The following PACRG variants were observed in gnomAD, a reference collection of about 807,000 sequenced individuals.
The protein encoded by PACRG is parkin coregulated gene protein.
A neutral mutation model predicts 29.7 loss-of-function variants in PACRG; 29 were observed. The ratio of observed to expected loss-of-function variants is 0.98; its 90% CI spans 0.73 to 1.33. The LOEUF (loss-of-function observed/expected upper bound fraction) is 1.33, where lower values mean the gene tolerates loss of function less well. Ranked by LOEUF, PACRG falls within the 40% of genes most tolerant of loss-of-function variation. PACRG has a pLI of 0.00. For synonymous variants in PACRG, 116 were observed against 118.7 expected, an observed-to-expected ratio of 0.98 and a Z score of 0.15; for missense variants, 279 against 316.2, an observed-to-expected ratio of 0.88 and a Z score of 0.89.
In PACRG at chr6:162,852,005, G is replaced by GAGGAAGGAAGGAAAGGAAGGAAGGA. The variant is rs1031155296; in HGVS notation, c.291+37737_291+37738insAGGAAGGAAGGAAGGAAGGAAGGAA. 1.5e-3 allele frequency among the ~76,000 whole-genome samples: 173 copies of GAGGAAGGAAGGAAAGGAAGGAAGGA among 116,098 alleles called. 3 individuals carry two copies. The South Asian group carries it at 0.019, about 13-fold the overall frequency. 76.2% of individuals were successfully genotyped at this position (116,098 alleles called of 152,430 possible). On this transcript the variant is annotated intron_variant, in intron 2 of 4. Coordinates refer to ENST00000366888, the MANE Select transcript of PACRG (RefSeq NM_001080379.2). Reference sequence around the variant, plus strand: ...AAGAAAAGGGAGGGAGGGAGGGAGGGAGGAAGGAAGGAAGGAAGGAAGGAA... The same window carrying GAGGAAGGAAGGAAAGGAAGGAAGGA: ...AAGAAAAGGGAGGGAGGGAGGGAGGGAGGAAGGAAGGAAAGGAAGGAAGGAAGGAAGGAAGGAAGGAAGGAAGGAA...
intron 4 of PACRG, among the ~76,000 whole-genome samples, chr6:163,290,513 C>A (rs1784564137): frequency 6.6e-6 from 1 of 152,198 alleles, no homozygotes; most frequent in African/African-American, 2.4e-5. Flanking sequence ...GCTGAGCGCC[C>A]CGCAGCCTGC....
chr6:163,004,731 T>TACACACACACACACACACACAC (rs1391766486), intron 2 of PACRG, among the ~76,000 whole-genome samples: 1 of 143,706 alleles, frequency 7.0e-6, no homozygotes, highest in African/African-American at 2.8e-5. Context: ...TGTGTGTATA[T>TACACACACACACACACACACAC]ATATATACAC....
intron 1 of PACRG, among the ~76,000 whole-genome samples, chr6:162,792,962 G>T (rs1305120658): frequency 3.3e-5 from 5 of 152,142 alleles, no homozygotes; most frequent in Non-Finnish European, 7.3e-5. Context: ...GAGTGCTGAG[G>T]TATTGGTTGG....
At chr6:162,886,222 C>A (rs1031018267) in intron 2 of PACRG, among the ~76,000 whole-genome samples, 1 of 152,156 alleles carries the variant, frequency 6.6e-6, no homozygotes, top group Admixed American at 6.5e-5. Context: ...TGCCCCCGGG[C>A]TTGCAAGCTC....
chr6:163,295,534 T>G (rs1464872974), intron 4 of PACRG, among the ~76,000 whole-genome samples: 1 of 152,234 alleles, frequency 6.6e-6, no homozygotes. Flanking sequence ...ATGAACTCCT[T>G]GAATTGATCT....
chr6:162,955,894 C>T (rs1175288633), intron 2 of PACRG, among the ~76,000 whole-genome samples: 2 of 152,182 alleles, frequency 1.3e-5, no homozygotes, highest in South Asian at 2.1e-4. Context: ...GGGCTGGCAA[C>T]AGCCTTGTAC....
At chr6:162,955,102 T>A (rs1799918506) in intron 2 of PACRG, among the ~76,000 whole-genome samples, 2 of 152,112 alleles carry the variant, frequency 1.3e-5, no homozygotes, top group Non-Finnish European at 2.9e-5. Context: ...ACATTGTCTG[T>A]AGTTGCTCAC....
chr6:163,082,184 A>T lies in PACRG; in HGVS notation c.464-7075A>T, dbSNP rs112630959. Among the ~76,000 whole-genome samples, 1,184 of 152,306 alleles carry T rather than the reference A, an allele frequency of 7.8e-3. 15 individuals carry two copies. The highest frequency in any genetic ancestry group is 0.022 in the South Asian group (107 of 4,826). On this transcript the variant is annotated intron_variant, in intron 3 of 4. Transcript: ENST00000366888. ...AACAAAATATAGAATTTCTGTGAGT[A>T]TATCTAACAAAATTTGCAGGATCTA...
chr6:162,747,351 T>TACACACAC (rs1781091770), intron 1 of PACRG, among the ~76,000 whole-genome samples: 2 of 76,736 alleles, frequency 2.6e-5, no homozygotes, highest in South Asian at 6.1e-4. Context: ...TATATATATA[T>TACACACAC]ATATATATAT....
In PACRG at chr6:163,200,217, A is replaced by C. The variant is rs147188739; in HGVS notation, c.613+110809A>C. Reference sequence around the variant, plus strand: ...CAAATATTTTTTATTAAAAATACAGAAAAAAAGGCAACTTTTTTTTCTAAT... The same window carrying C: ...CAAATATTTTTTATTAAAAATACAGCAAAAAAGGCAACTTTTTTTTCTAAT... On this transcript the variant is annotated intron_variant, in intron 4 of 4. Transcript: ENST00000366888. 5.7e-3 allele frequency among the ~76,000 whole-genome samples: 872 copies of C among 152,210 alleles called. 8 individuals carry two copies. Among genetic ancestry groups the C allele is most frequent in the African/African-American group, 0.02 (825 of 41,514 alleles).
rs986281111 is a variant in PACRG, at chr6:162,934,270, A to AAAT, written c.291+119992_291+119994dup. On this transcript the variant is annotated intron_variant, in intron 2 of 4. Transcript: ENST00000366888. ...ACAGCGAGACTGTCTCAAAAAAAAAAAATAAATAAATGAAAAAAAGAGAAT... is the reference window on the plus strand; with the variant it reads ...ACAGCGAGACTGTCTCAAAAAAAAAAAATAATAAATAAATGAAAAAAAGAGAAT... 4.0e-5 allele frequency among the ~76,000 whole-genome samples: 6 copies of AAAT among 149,304 alleles called. No homozygotes were observed. In the East Asian group the frequency reaches 1.1e-3, roughly 27 times the overall value.
In PACRG at chr6:163,119,275, C is replaced by A. The variant is rs548864397; in HGVS notation, c.613+29867C>A. 3.3e-5 allele frequency among the ~76,000 whole-genome samples: 5 copies of A among 152,350 alleles called. No individual in the cohort carries two copies. The East Asian group carries it at 9.6e-4, about 29-fold the overall frequency. On this transcript the variant is annotated intron_variant, in intron 4 of 4. Transcript: ENST00000366888. ...GCCATGAGATATGCGAGCACGCTGC[C>A]TAACTCATCTGTACCACCATGTTCT...
intron 2 of PACRG, among the ~76,000 whole-genome samples, chr6:162,976,451 G>A (rs989485279): frequency 6.6e-6 from 1 of 152,176 alleles, no homozygotes; most frequent in Non-Finnish European, 1.5e-5. Context: ...GTTGAGGGGG[G>A]AAGAAAGGTA....
At chr6:162,876,161 G>T (rs972847522) in intron 2 of PACRG, among the ~76,000 whole-genome samples, 2 of 152,108 alleles carry the variant, frequency 1.3e-5, no homozygotes, top group Middle Eastern at 3.2e-3. Context: ...ATCATAGGGG[G>T]TTCCTCTCCA....
At chr6:162,788,446 G>A (rs1359057631) in intron 1 of PACRG, among the ~76,000 whole-genome samples, 1 of 152,096 alleles carries the variant, frequency 6.6e-6, no homozygotes. Flanking sequence ...TCCAAGTTTT[G>A]GGAATTATGA....
At chr6:163,263,051 A>C (rs1313516437) in intron 4 of PACRG, among the ~76,000 whole-genome samples, 1 of 150,214 alleles carries the variant, frequency 6.7e-6, no homozygotes, top group African/African-American at 2.5e-5. Flanking sequence ...ACTCTCCCTC[A>C]AAAATAATAG....
At chr6:162,979,210 G>T (rs1280370941) in intron 2 of PACRG, among the ~76,000 whole-genome samples, 1 of 152,000 alleles carries the variant, frequency 6.6e-6, no homozygotes, top group Admixed American at 6.6e-5. Flanking sequence ...TGTTAAGCTT[G>T]CCACTCCCTT....
At chr6:163,182,621 AT>A (rs1779725722) in intron 4 of PACRG, 1 of 152,258 alleles carries the variant, frequency 6.6e-6, no homozygotes, top group Non-Finnish European at 1.5e-5. Context: ...CATTAACAAA[AT>A]TGAGAAAATG....
intron 4 of PACRG, among the ~76,000 whole-genome samples, chr6:163,092,946 T>G (rs1814246524): frequency 6.6e-6 from 1 of 152,234 alleles, no homozygotes; most frequent in Non-Finnish European, 1.5e-5. Flanking sequence ...CTTGGCCCTC[T>G]GTGAGCCTGT....
Sources: gnomAD v4.1 joint callset for allele counts (sites outside exome capture counted in the v4.1 genomes callset) on GRCh38, gnomAD v4.1.1 for gene constraint, MANE v1.5 for transcripts, NCBI Gene and HGNC (gene_info 2026-07-23, HGNC 2026-07-21) for gene names.